Variants in CASP6 observed in about 807,000 individuals in gnomAD.
CASP6 encodes the protein caspase-6.
Under a neutral mutation model 31.8 loss-of-function variants are expected in CASP6, and 20 were observed. The ratio of observed to expected loss-of-function variants is 0.63; its 90% CI spans 0.44 to 0.91. The LOEUF is 0.91. Ranked by LOEUF, CASP6 falls within the 40% of genes least tolerant of loss-of-function variation. The pLI is 0.00. For missense variants in CASP6, 328 were observed against 361.1 expected (o/e 0.91, Z 0.74); for synonymous variants, 130 against 127.8 (o/e 1.02, Z -0.12).
the CASP6 span, among the ~76,000 whole-genome samples, chr4:109,673,669 TA>T: frequency 6.6e-6 from 1 of 152,376 alleles, no homozygotes; most frequent in African/African-American, 2.4e-5. Flanking sequence ...TCCATTTAAC[TA>T]AAATATTCCT....
the CASP6 span, among the ~76,000 whole-genome samples, chr4:109,683,486 A>G: frequency 6.6e-6 from 1 of 152,192 alleles, no homozygotes; most frequent in African/African-American, 2.4e-5. Context: ...TTAAAATTTT[A>G]AAATCTAAAG....
the CASP6 span, among the ~76,000 whole-genome samples, chr4:109,669,960 T>A: frequency 6.6e-6 from 1 of 152,232 alleles, no homozygotes; most frequent in Non-Finnish European, 1.5e-5. Context: ...AGCATATTAT[T>A]TGTAGTTATT....
downstream of CASP6, among the ~76,000 whole-genome samples, chr4:109,683,929 G>A (rs573636378): frequency 1.3e-5 from 2 of 152,068 alleles, no homozygotes; most frequent in Non-Finnish European, 2.9e-5. Flanking sequence ...TACCTTTATA[G>A]TTTTAAAGAG....
chr4:109,681,517 TCTGAC>T, the CASP6 span: 1 of 446,096 alleles, frequency 2.2e-6, no homozygotes, highest in Non-Finnish European at 4.5e-6. Context: ...CCTCGTGTTC[TCTGAC>T]CTGGGGTTCT....
intron 1 of CASP6, among the ~76,000 whole-genome samples, chr4:109,698,956 C>A (rs899859787): frequency 6.6e-6 from 1 of 152,214 alleles, no homozygotes; most frequent in African/African-American, 2.4e-5. Flanking sequence ...TCTCTACTCT[C>A]TAGAGCAGTG....
At chr4:109,679,607 G>C in the CASP6 span, among the ~76,000 whole-genome samples, 1 of 152,188 alleles carries the variant, frequency 6.6e-6, no homozygotes, top group Non-Finnish European at 1.5e-5. Flanking sequence ...CGGCAAGAGA[G>C]GGAGACTGGG....
intron 5 of CASP6, among the ~76,000 whole-genome samples, chr4:109,693,054 C>T (rs1730125345): frequency 6.6e-6 from 1 of 152,128 alleles, no homozygotes; most frequent in Non-Finnish European, 1.5e-5. Flanking sequence ...AGTGAGCTCC[C>T]ACTCAGTTCA....
chr4:109,689,351 A>T lies in CASP6; in HGVS notation c.861T>A (p.His287Gln). ...CFASMLTKKL[H>Q]FFPKSN ...TTAATTAATTAGATTTTGGAAAGAA[A>T]TGCAGCTTTTTAGTTAGCATTGAGG... The change falls in exon 7 of 7, where the codon CAT (histidine) becomes CAA (glutamine). Residue 287 changes from histidine to glutamine, a missense_variant. Transcript: ENST00000265164. The T allele has an allele frequency of 1.9e-6, 3 of 1,614,030 alleles. No homozygotes were observed. Among genetic ancestry groups the T allele is most frequent in the Non-Finnish European group, 1.7e-6 (2 of 1,179,936 alleles).
the CASP6 span, among the ~76,000 whole-genome samples, chr4:109,670,291 T>G: frequency 1.3e-5 from 2 of 152,070 alleles, no homozygotes; most frequent in East Asian, 3.8e-4. Flanking sequence ...CCCACCACCT[T>G]AGGTGGGATA....
chr4:109,698,347 TA>T lies in CASP6; in HGVS notation c.41-6del. Reference sequence around the variant, plus strand: ...CTGTCATGTTTTCTTCCCCACCTATTAAAAAAAGTTGATTTTTGTTAATTAT... The same window carrying T: ...CTGTCATGTTTTCTTCCCCACCTATTAAAAAAGTTGATTTTTGTTAATTAT... On this transcript the variant is annotated splice_region_variant and splice_polypyrimidine_tract_variant and intron_variant, in intron 1 of 6. Transcript: ENST00000265164. 3 of 1,608,870 alleles carry T rather than the reference TA, an allele frequency of 1.9e-6. No individual in the cohort carries two copies. Among genetic ancestry groups the T allele is most frequent in the South Asian group, 1.1e-5 (1 of 89,894 alleles).
At chr4:109,667,467 C>T in the CASP6 span, among the ~76,000 whole-genome samples, 2 of 151,524 alleles carry the variant, frequency 1.3e-5, no homozygotes, top group Non-Finnish European at 2.9e-5. Context: ...AACTTGTTGT[C>T]TCTTTTTTTC....
At chr4:109,676,475 T>C in the CASP6 span, among the ~76,000 whole-genome samples, 5 of 152,348 alleles carry the variant, frequency 3.3e-5, no homozygotes, top group African/African-American at 1.2e-4. Context: ...ATTATTGTTA[T>C]GGACTTGCAA....
chr4:109,670,094 C>A, the CASP6 span, among the ~76,000 whole-genome samples: 1 of 152,186 alleles, frequency 6.6e-6, no homozygotes, highest in Admixed American at 6.5e-5. Context: ...ATGTTAAAAG[C>A]TGGATGTGAT....
chr4:109,679,990 C>T, the CASP6 span, among the ~76,000 whole-genome samples: 14 of 152,032 alleles, frequency 9.2e-5, no homozygotes, highest in African/African-American at 1.2e-4. Flanking sequence ...TTAGTAGAGA[C>T]GGGGTTTCAC....
the CASP6 span, among the ~76,000 whole-genome samples, chr4:109,665,151 G>A: frequency 2.0e-5 from 3 of 152,074 alleles, no homozygotes; most frequent in Non-Finnish European, 4.4e-5. Context: ...TTTACTCTTG[G>A]TGTTGTATAT....
chr4:109,671,930 G>A, the CASP6 span, among the ~76,000 whole-genome samples: 1 of 152,122 alleles, frequency 6.6e-6, no homozygotes, highest in African/African-American at 2.4e-5. Context: ...CTTTCCTCTA[G>A]TGTCCTTATT....
chr4:109,672,258 T>G, the CASP6 span, among the ~76,000 whole-genome samples: 2 of 152,316 alleles, frequency 1.3e-5, no homozygotes, highest in African/African-American at 4.8e-5. Flanking sequence ...GGAGGACATG[T>G]GCTCAGGGCT....
In CASP6 at chr4:109,697,885, TC is replaced by T. The variant is rs1433310291; in HGVS notation, c.84-118del. The T allele has an allele frequency of 3.6e-6, 4 of 1,122,734 alleles. No homozygotes were observed. The African/African-American group carries it at 6.3e-5, about 18-fold the overall frequency. The allele number at this position is 1,122,734 out of a possible 1,614,324, so 69.5% of individuals were successfully genotyped here. ...AGCTTCCTCCTTGCCAGGCTGATGT[TC>T]CATGGGTGTGCTCCAGGAAAGGCCA... is the stretch of plus-strand genomic sequence containing the variant. On this transcript the variant is annotated intron_variant, in intron 2 of 6. Coordinates refer to ENST00000265164, the MANE Select transcript of CASP6 (RefSeq NM_001226.4).
the CASP6 span, among the ~76,000 whole-genome samples, chr4:109,672,602 C>T: frequency 6.6e-6 from 1 of 152,210 alleles, no homozygotes; most frequent in Non-Finnish European, 1.5e-5. Flanking sequence ...AAGGCTCTTA[C>T]TTACAGTGAG....
Sources: gnomAD v4.1 joint callset for allele counts (sites outside exome capture counted in the v4.1 genomes callset) on GRCh38, gnomAD v4.1.1 for gene constraint, MANE v1.5 for transcripts, NCBI Gene and HGNC (gene_info 2026-07-23, HGNC 2026-07-21) for gene names.